The following DLG2 variants were observed in gnomAD, a reference collection of about 807,000 sequenced individuals.
DLG2 encodes the protein discs large MAGUK scaffold protein 2.
Under a neutral mutation model 132.5 loss-of-function variants are expected in DLG2, and 45 were observed. The ratio of observed to expected loss-of-function variants is 0.34; its 90% CI spans 0.27 to 0.44. The LOEUF (loss-of-function observed/expected upper bound fraction) is 0.44. Among genes scored for constraint, DLG2 ranks in the 20% least tolerant of loss-of-function variants. The pLI is 1.00. For missense variants in DLG2, 1,045 were observed against 1,196.9 expected, an observed-to-expected ratio of 0.87 and a Z score of 1.87; for synonymous variants, 424 against 419.6, an observed-to-expected ratio of 1.01 and a Z score of -0.13.
chr11:83,984,221 GAT>G (rs3040360), intron 11 of DLG2, among the ~76,000 whole-genome samples: 17,420 of 148,274 alleles, frequency 0.12, 1,391 homozygotes, highest in East Asian at 0.29. Flanking sequence ...TAGATAGATA[GAT>G]AGATAGATAG....
chr11:85,111,305 AAG>A (rs1317901856), intron 6 of DLG2, among the ~76,000 whole-genome samples: 1 of 152,138 alleles, frequency 6.6e-6, no homozygotes, highest in Non-Finnish European at 1.5e-5. Context: ...ACAGTGACAA[AAG>A]AGAGAGCATC....
Position 84,714,575 on chromosome 11 carries a change from CTT to C in DLG2, c.358-179846_358-179845del, listed in dbSNP as rs1234839232. On this transcript the variant is annotated intron_variant, in intron 6 of 27. Coordinates refer to ENST00000376104, the MANE Select transcript of DLG2 (RefSeq NM_001142699.3). ...TCTCTCTCTTTCTCTTTCTCTTTCT[CTT>C]TCTCTTTCTCTTTCTCTTTCTTTCT... Among the ~76,000 whole-genome samples, 185 of 131,330 alleles carry C rather than the reference CTT, an allele frequency of 1.4e-3. No individual in the cohort carries two copies. In the Middle Eastern group the frequency reaches 0.019, roughly 13 times the overall value. The allele number at this position is 131,330 out of a possible 152,430, so 86.2% of individuals were successfully genotyped here.
chr11:84,588,880 C>A (rs2154530242), intron 6 of DLG2, among the ~76,000 whole-genome samples: 1 of 151,726 alleles, frequency 6.6e-6, no homozygotes, highest in East Asian at 1.9e-4. Context: ...TCTTAATAAA[C>A]TTGCTTTTAC....
intron 6 of DLG2, among the ~76,000 whole-genome samples, chr11:84,715,528 T>C (rs938509228): frequency 6.6e-6 from 1 of 152,062 alleles, no homozygotes; most frequent in Non-Finnish European, 1.5e-5. Context: ...ACCCACATCT[T>C]CAAATTTCCT....
At chr11:84,015,413 C>A (rs552188926) in intron 11 of DLG2, among the ~76,000 whole-genome samples, 2 of 152,196 alleles carry the variant, frequency 1.3e-5, no homozygotes, top group South Asian at 2.1e-4. Flanking sequence ...ACATGTGCAG[C>A]ATGTGCAGGT....
chr11:84,379,228 C>G (rs2098740932), intron 7 of DLG2, among the ~76,000 whole-genome samples: 1 of 151,886 alleles, frequency 6.6e-6, no homozygotes, highest in Non-Finnish European at 1.5e-5. Flanking sequence ...AAAGCTCAAA[C>G]AATTCAAAGT....
chr11:83,541,061 C>T (rs935243250), intron 20 of DLG2, among the ~76,000 whole-genome samples: 2 of 151,982 alleles, frequency 1.3e-5, no homozygotes, highest in African/African-American at 4.8e-5. Flanking sequence ...GAAACACTTA[C>T]ACAGAACTAA....
At chr11:84,166,773 G>C (rs1279732596) in intron 8 of DLG2, 7 of 363,762 alleles carry the variant, frequency 1.9e-5, no homozygotes, top group Middle Eastern at 1.0e-3. Flanking sequence ...TGTTATAAAT[G>C]GCTCCCATCA....
At chr11:84,621,983 A>G (rs2154541447) in intron 6 of DLG2, among the ~76,000 whole-genome samples, 1 of 152,334 alleles carries the variant, frequency 6.6e-6, no homozygotes, top group Admixed American at 6.5e-5. Context: ...GTAGTACAAC[A>G]TTTTGAAGCT....
At chr11:85,197,466 T>C (rs1305859615) in intron 4 of DLG2, among the ~76,000 whole-genome samples, 1 of 152,212 alleles carries the variant, frequency 6.6e-6, no homozygotes, top group Non-Finnish European at 1.5e-5. Flanking sequence ...TTAAAGTGTA[T>C]TAAGAAATCT....
chr11:85,514,876 T>A (rs998567983), intron 3 of DLG2, among the ~76,000 whole-genome samples: 1 of 151,970 alleles, frequency 6.6e-6, no homozygotes. Context: ...TGTACACCAA[T>A]AATCTTCTTG....
chr11:85,348,370 G>A (rs1231246824), intron 3 of DLG2, among the ~76,000 whole-genome samples: 1 of 151,192 alleles, frequency 6.6e-6, no homozygotes, highest in African/African-American at 2.4e-5. Context: ...CTACAGGCCC[G>A]CACCACCAAG....
At chr11:84,354,326 C>A (rs2098598406) in intron 7 of DLG2, among the ~76,000 whole-genome samples, 1 of 152,080 alleles carries the variant, frequency 6.6e-6, no homozygotes, top group Non-Finnish European at 1.5e-5. Context: ...GTGTATTAGA[C>A]TGCTTACATA....
At chr11:83,476,921 A>G (rs928914731) in intron 22 of DLG2, among the ~76,000 whole-genome samples, 13 of 152,238 alleles carry the variant, frequency 8.5e-5, no homozygotes, top group African/African-American at 3.1e-4. Flanking sequence ...AGGAGTAAAG[A>G]CATCTAAGGG....
intron 6 of DLG2, among the ~76,000 whole-genome samples, chr11:85,012,407 C>T (rs983454488): frequency 8.6e-5 from 13 of 150,438 alleles, no homozygotes; most frequent in Non-Finnish European, 1.3e-4. Context: ...GCCTGTAGTC[C>T]CAGCTACTTG....
chr11:84,736,498 C>T (rs1008447546), intron 6 of DLG2, among the ~76,000 whole-genome samples: 2 of 151,892 alleles, frequency 1.3e-5, no homozygotes, highest in African/African-American at 4.8e-5. Flanking sequence ...CTTAATGATA[C>T]TGATTCTTCC....
chr11:83,553,330 T>C (rs778117814), intron 19 of DLG2, among the ~76,000 whole-genome samples: 11 of 152,174 alleles, frequency 7.2e-5, no homozygotes, highest in Admixed American at 5.2e-4. Context: ...ATTTTTCCTT[T>C]TTTGGTAACA....
At chr11:85,524,267 G>T (rs2074563268) in intron 3 of DLG2, among the ~76,000 whole-genome samples, 1 of 152,116 alleles carries the variant, frequency 6.6e-6, no homozygotes. Context: ...GTCACACAAA[G>T]AAGGGATAAT....
intron 3 of DLG2, among the ~76,000 whole-genome samples, chr11:85,321,302 T>G (rs570086292): frequency 6.6e-6 from 1 of 152,122 alleles, no homozygotes; most frequent in South Asian, 2.1e-4. Context: ...TATCAAGGGC[T>G]TAGTATTGGC....
Sources: allele counts gnomAD v4.1 joint callset (sites outside exome capture counted in the v4.1 genomes callset), GRCh38; gene constraint gnomAD v4.1.1; transcripts MANE v1.5; gene names NCBI Gene and HGNC (gene_info 2026-07-23, HGNC 2026-07-21).